RNLS: variants seen among roughly 807,000 people sequenced by gnomAD.
The protein encoded by RNLS is renalase.
In RNLS, 39 loss-of-function variants were observed where a neutral mutation model predicts 39.8. That is an observed-to-expected ratio of 0.98 (90% CI 0.76 to 1.28). The LOEUF is 1.28. Ranked by LOEUF, RNLS falls within the 50% of genes most tolerant of loss-of-function variation. The pLI, the probability that RNLS is intolerant of heterozygous loss-of-function variation, is 0.00. For synonymous variants in RNLS, 147 were observed against 150.7 expected (o/e 0.98, Z 0.18); for missense variants, 410 against 413.3 (o/e 0.99, Z 0.07).
At chr10:88,216,809 A>C in the RNLS span, among the ~76,000 whole-genome samples, 2 of 152,260 alleles carry the variant, frequency 1.3e-5, no homozygotes, top group Non-Finnish European at 1.5e-5. Context: ...GGTGTTTAGC[A>C]TACTTTCTCC....
the RNLS span, among the ~76,000 whole-genome samples, chr10:88,225,103 C>T: frequency 2.6e-5 from 4 of 152,140 alleles, no homozygotes; most frequent in African/African-American, 9.7e-5. Context: ...TTTCATTTCT[C>T]TCACAGTTGG....
intron 4 of RNLS, among the ~76,000 whole-genome samples, chr10:88,363,785 C>G (rs754784624): frequency 6.6e-6 from 1 of 152,112 alleles, no homozygotes; most frequent in Non-Finnish European, 1.5e-5. Context: ...TCTCCACTTA[C>G]CAGATATGTG....
chr10:88,212,593 C>T, the RNLS span, among the ~76,000 whole-genome samples: 12 of 152,316 alleles, frequency 7.9e-5, no homozygotes, highest in Admixed American at 7.8e-4. Context: ...TGCTTTTTTA[C>T]TGAGCTGCTT....
intron 4 of RNLS, among the ~76,000 whole-genome samples, chr10:88,520,803 C>T (rs1157638600): frequency 3.3e-5 from 5 of 151,936 alleles, no homozygotes; most frequent in Non-Finnish European, 7.4e-5. Context: ...TTATCAGATG[C>T]CAAGATCCTA....
the RNLS span, among the ~76,000 whole-genome samples, chr10:88,249,792 T>C: frequency 6.6e-6 from 1 of 152,220 alleles, no homozygotes; most frequent in African/African-American, 2.4e-5. Context: ...CTCTCTTTTA[T>C]GTACTAGCTT....
In RNLS at chr10:88,452,538, G is replaced by A. The variant is rs1362544704; in HGVS notation, c.527-89813C>T. On this transcript the variant is annotated intron_variant, in intron 4 of 6. Coordinates refer to ENST00000331772, the MANE Select transcript of RNLS (RefSeq NM_001031709.3). ...CCCCAGTAGGAATAAAACATGGGAAGGTGTAAAAGTGTAAGTGATCCCACT... is the reference window on the plus strand; with the variant it reads ...CCCCAGTAGGAATAAAACATGGGAAAGTGTAAAAGTGTAAGTGATCCCACT... Among the ~76,000 whole-genome samples the A allele has an allele frequency of 3.9e-5, 6 of 152,122 alleles. No individual in the cohort carries two copies. In the East Asian group the frequency reaches 9.6e-4, roughly 24 times the overall value.
chr10:88,267,798 T>A, the RNLS span, among the ~76,000 whole-genome samples: 5 of 152,142 alleles, frequency 3.3e-5, no homozygotes, highest in Admixed American at 2.6e-4. Context: ...AAGTGAGGAA[T>A]AGAGAATTTG....
At chr10:88,264,564 A>G in the RNLS span, among the ~76,000 whole-genome samples, 1 of 152,098 alleles carries the variant, frequency 6.6e-6, no homozygotes, top group South Asian at 2.1e-4. Flanking sequence ...CATTTCCCTG[A>G]TCATTAGTGA....
chr10:88,509,938 A>C (rs1000170250), intron 4 of RNLS, among the ~76,000 whole-genome samples: 1 of 152,220 alleles, frequency 6.6e-6, no homozygotes, highest in African/African-American at 2.4e-5. Flanking sequence ...TGACTTATCA[A>C]GCCCCATTCC....
chr10:88,545,795 A>G (rs1848276669), intron 4 of RNLS, among the ~76,000 whole-genome samples: 1 of 152,224 alleles, frequency 6.6e-6, no homozygotes, highest in African/African-American at 2.4e-5. Context: ...GGTTTCTGCC[A>G]TATCTATGTA....
At chr10:88,322,126 A>G (rs1271615092) in intron 5 of RNLS, among the ~76,000 whole-genome samples, 1 of 152,220 alleles carries the variant, frequency 6.6e-6, no homozygotes, top group Non-Finnish European at 1.5e-5. Flanking sequence ...TATTTCTGGT[A>G]TGCCAGGATG....
chr10:88,285,069 G>T lies in RNLS; in HGVS notation c.*285C>A. ...TTGTGATTTAATGTAATTTTTTTGAGAGAGTCGTTTGTTATTTTTTAAGTA... is the reference window on the plus strand; with the variant it reads ...TTGTGATTTAATGTAATTTTTTTGATAGAGTCGTTTGTTATTTTTTAAGTA... On this transcript the variant is annotated 3_prime_UTR_variant, in exon 7 of 7. Coordinates refer to ENST00000331772, the MANE Select transcript of RNLS (RefSeq NM_001031709.3). 1 of 1,014,296 alleles carries T rather than the reference G, an allele frequency of 9.9e-7. No individual in the cohort carries two copies. Among genetic ancestry groups the T allele is most frequent in the South Asian group, 4.5e-5 (1 of 22,214 alleles). 62.8% of individuals were successfully genotyped at this position (1,014,296 alleles called of 1,614,324 possible).
intron 4 of RNLS, among the ~76,000 whole-genome samples, chr10:88,488,469 C>T (rs1844682326): frequency 6.7e-6 from 1 of 149,078 alleles, no homozygotes. Context: ...TTGCTTGAAC[C>T]TGGGAGGCCA....
chr10:88,559,552 T>C (rs1447385165), intron 4 of RNLS, among the ~76,000 whole-genome samples: 2 of 152,170 alleles, frequency 1.3e-5, no homozygotes, highest in Non-Finnish European at 2.9e-5. Flanking sequence ...GCCTCCCAAA[T>C]ATAAAATGAA....
the RNLS span, among the ~76,000 whole-genome samples, chr10:88,216,564 T>C: frequency 1.3e-5 from 2 of 152,134 alleles, no homozygotes; most frequent in African/African-American, 4.8e-5. Context: ...GAATGACACT[T>C]ATTGGATTGG....
At chr10:88,528,086 A>T (rs1328314167) in intron 4 of RNLS, among the ~76,000 whole-genome samples, 1 of 152,078 alleles carries the variant, frequency 6.6e-6, no homozygotes, top group African/African-American at 2.4e-5. Context: ...TTCAGAAAAG[A>T]AAAGAAAATG....
intron 6 of RNLS, among the ~76,000 whole-genome samples, chr10:88,302,566 C>T (rs572610172): frequency 6.6e-6 from 1 of 151,954 alleles, no homozygotes; most frequent in African/African-American, 2.4e-5. Flanking sequence ...TTAAGACTGA[C>T]CATCCATTTG....
At chr10:88,195,416 T>G in the RNLS span, among the ~76,000 whole-genome samples, 1 of 152,206 alleles carries the variant, frequency 6.6e-6, no homozygotes, top group South Asian at 2.1e-4. Context: ...AGAACATAAT[T>G]TCACACCCCC....
intron 6 of RNLS, among the ~76,000 whole-genome samples, chr10:88,277,279 A>T (rs1289888249): frequency 6.6e-6 from 1 of 152,092 alleles, no homozygotes; most frequent in Non-Finnish European, 1.5e-5. Flanking sequence ...GAACAATAAG[A>T]ACACTTGGAC....
Sources: gnomAD v4.1 joint callset for allele counts (sites outside exome capture counted in the v4.1 genomes callset) on GRCh38, gnomAD v4.1.1 for gene constraint, MANE v1.5 for transcripts, NCBI Gene and HGNC (gene_info 2026-07-23, HGNC 2026-07-21) for gene names.